FANCB: variants seen among roughly 807,000 people sequenced by gnomAD.
The protein encoded by FANCB is FA complementation group B.
A neutral mutation model predicts 38.9 loss-of-function variants in FANCB; 5 were observed. The observed-to-expected ratio is 0.13, with a 90% CI of 0.07 to 0.27. FANCB has a LOEUF of 0.27. Ranked by LOEUF, FANCB falls within the 10% of genes least tolerant of loss-of-function variation. The probability of loss-of-function intolerance (pLI) is 1.00; values close to 1 mark genes in which losing one functional copy is unlikely to be tolerated. For missense variants in FANCB, 573 were observed against 602.7 expected (o/e 0.95, Z 0.52); for synonymous variants, 236 against 215.4 (o/e 1.10, Z -0.84).
chrX:14,833,886 CA>C (rs779085891), downstream of FANCB, among the ~76,000 whole-genome samples: 185 of 111,809 alleles, frequency 1.7e-3, 1 homozygote, highest in Non-Finnish European at 3.1e-3. Flanking sequence ...TCCAGCTACT[CA>C]GGGGTGCTGA....
the FANCB span, among the ~76,000 whole-genome samples, chrX:14,825,806 A>G: frequency 8.9e-6 from 1 of 112,060 alleles, no homozygotes; most frequent in Non-Finnish European, 1.9e-5. Flanking sequence ...CTTTTACTCC[A>G]TTAGGCAATA....
intron 7 of FANCB, among the ~76,000 whole-genome samples, chrX:14,845,754 T>C (rs902010358): frequency 8.9e-6 from 1 of 112,109 alleles, no homozygotes; most frequent in African/African-American, 3.2e-5. Context: ...AAACTAAAAA[T>C]TGTATTTTTC....
At chrX:14,696,326 G>A in the FANCB span, among the ~76,000 whole-genome samples, 4 of 110,149 alleles carry the variant, frequency 3.6e-5, no homozygotes, top group Admixed American at 9.7e-5. Flanking sequence ...GGGAAAACAC[G>A]GAAGAGACAC....
chrX:14,849,743 T>G (rs941974253), intron 7 of FANCB, among the ~76,000 whole-genome samples: 3 of 112,185 alleles, frequency 2.7e-5, no homozygotes, highest in African/African-American at 9.7e-5. Flanking sequence ...GTATGCTGTT[T>G]GATTATCTTC....
the FANCB span, among the ~76,000 whole-genome samples, chrX:14,717,054 C>T: frequency 9.0e-6 from 1 of 111,341 alleles, no homozygotes; most frequent in Non-Finnish European, 1.9e-5. Context: ...ACAAATCTGA[C>T]GTGTCCAAAG....
chrX:14,775,167 T>TG, the FANCB span, among the ~76,000 whole-genome samples: 5 of 71,862 alleles, frequency 7.0e-5, no homozygotes, highest in Non-Finnish European at 9.1e-5. Context: ...AATGTTTTTT[T>TG]TTTTTTTTTT....
chrX:14,864,788 A>G lies in FANCB; in HGVS notation c.723T>C (p.His241=). 8.3e-7 allele frequency: 1 copy of G among 1,208,247 alleles called. No individual in the cohort carries two copies. The highest frequency in any genetic ancestry group is 1.1e-6 in the Non-Finnish European group (1 of 892,087). The change falls in exon 3 of 10, where the codon CAT becomes CAC. Residue 241 remains histidine, a synonymous_variant. Coordinates refer to ENST00000650831, the MANE Select transcript of FANCB (RefSeq NM_001018113.3). The part of the protein sequence containing the change: ...PAYSSVVTYV[H]ICATEIIKNQ... ...TTTTGATGATCTCAGTTGCACAAATATGTACATAAGTCACCACACTGCTGT... is the reference window on the plus strand; with the variant it reads ...TTTTGATGATCTCAGTTGCACAAATGTGTACATAAGTCACCACACTGCTGT...
At chrX:14,710,457 T>C in the FANCB span, among the ~76,000 whole-genome samples, 3 of 112,128 alleles carry the variant, frequency 2.7e-5, no homozygotes, top group African/African-American at 9.7e-5. Flanking sequence ...ATTTACATAA[T>C]GTGAGGTAAC....
At chrX:14,740,989 C>T in the FANCB span, among the ~76,000 whole-genome samples, 12 of 111,172 alleles carry the variant, frequency 1.1e-4, no homozygotes, top group Admixed American at 6.7e-4. Context: ...CACACACACA[C>T]GAACACACGA....
the FANCB span, among the ~76,000 whole-genome samples, chrX:14,785,461 A>C: frequency 8.9e-6 from 1 of 112,025 alleles, no homozygotes; most frequent in Non-Finnish European, 1.9e-5. Flanking sequence ...TGCTTTCTCC[A>C]AGCTTCCATG....
At chrX:14,771,221 G>T in the FANCB span, among the ~76,000 whole-genome samples, 1 of 111,653 alleles carries the variant, frequency 9.0e-6, no homozygotes. Context: ...ATATCCTGAA[G>T]TATGTTTTCC....
chrX:14,731,078 T>C, the FANCB span: 2 of 112,385 alleles, frequency 1.8e-5, no homozygotes, highest in African/African-American at 6.5e-5. Flanking sequence ...TTACAATGTC[T>C]GTAATTAGTG....
At chrX:14,692,168 C>T in the FANCB span, among the ~76,000 whole-genome samples, 21 of 112,133 alleles carry the variant, frequency 1.9e-4, no homozygotes, top group South Asian at 2.2e-3. Flanking sequence ...TCTCACTCTT[C>T]GCTACCTCTC....
intron 1 of FANCB, among the ~76,000 whole-genome samples, chrX:14,872,561 T>C (rs957563441): frequency 3.7e-5 from 4 of 108,531 alleles, no homozygotes; most frequent in African/African-American, 1.3e-4. Flanking sequence ...AGCATCTCTT[T>C]TGCCCCCGGC....
the FANCB span, among the ~76,000 whole-genome samples, chrX:14,716,741 A>G: frequency 8.9e-6 from 1 of 111,874 alleles, no homozygotes; most frequent in African/African-American, 3.3e-5. Flanking sequence ...ATCAAAACCC[A>G]GAGTCCTTGG....
intron 5 of FANCB, among the ~76,000 whole-genome samples, chrX:14,855,795 G>C (rs2092420850): frequency 8.9e-6 from 1 of 112,142 alleles, no homozygotes; most frequent in Non-Finnish European, 1.9e-5. Flanking sequence ...TTTTCTGTTT[G>C]TTTCTGTCAG....
the FANCB span, among the ~76,000 whole-genome samples, chrX:14,693,831 T>C: frequency 8.9e-6 from 1 of 112,153 alleles, no homozygotes; most frequent in African/African-American, 3.2e-5. Context: ...TCTGAAATAA[T>C]TCAGGAATCA....
chrX:14,738,047 G>A, the FANCB span, among the ~76,000 whole-genome samples: 1 of 111,406 alleles, frequency 9.0e-6, no homozygotes, highest in Admixed American at 9.5e-5. Flanking sequence ...TTTGGAGGGA[G>A]GTACAGTCCT....
At position 14,851,535 on chromosome X, in the gene FANCB, T is replaced by C. The variant is rs187342891; in HGVS notation, c.1327-861A>G. Among the ~76,000 whole-genome samples, 343 of 111,713 alleles carry C rather than the reference T, an allele frequency of 3.1e-3. 1 individual carries two copies. Among genetic ancestry groups the C allele is most frequent in the African/African-American group, 0.01 (310 of 30,708 alleles). On this transcript the variant is annotated intron_variant, in intron 6 of 9. Coordinates refer to ENST00000650831, the MANE Select transcript of FANCB (RefSeq NM_001018113.3). ...CATTCACTCAATAGGAGACTAAATA[T>C]GTTCCCAGGAATCTGACACTACTGC... is the stretch of plus-strand genomic sequence containing the variant.
Sources: gnomAD v4.1 joint callset for allele counts (sites outside exome capture counted in the v4.1 genomes callset) on GRCh38, gnomAD v4.1.1 for gene constraint, MANE v1.5 for transcripts, NCBI Gene and HGNC (gene_info 2026-07-23, HGNC 2026-07-21) for gene names.